Variants in ASAH2 observed in about 807,000 individuals in gnomAD.
ASAH2 encodes the protein neutral ceramidase.
ASAH2 carries 58 observed loss-of-function variants against 82.9 expected under a neutral mutation model. The observed-to-expected ratio is 0.70, with a 90% CI of 0.57 to 0.87. ASAH2 has a LOEUF of 0.87. Among genes scored for constraint, ASAH2 ranks in the 40% least tolerant of loss-of-function variants. The probability of loss-of-function intolerance (pLI) is 0.00; values close to 1 mark genes in which losing one functional copy is unlikely to be tolerated. For missense variants in ASAH2, 779 were observed against 834.0 expected, an observed-to-expected ratio of 0.93 and a Z score of 0.81; for synonymous variants, 276 against 289.7, an observed-to-expected ratio of 0.95 and a Z score of 0.48.
intron 2 of ASAH2, among the ~76,000 whole-genome samples, chr10:50,245,794 TG>T (rs913366900): frequency 1.3e-5 from 2 of 152,130 alleles, no homozygotes; most frequent in African/African-American, 4.8e-5. Flanking sequence ...ATCCAATATC[TG>T]GGGATTGGTT....
At chr10:50,247,911 G>A (rs920293405) in intron 2 of ASAH2, among the ~76,000 whole-genome samples, 3 of 152,190 alleles carry the variant, frequency 2.0e-5, no homozygotes, top group Admixed American at 6.5e-5. Context: ...CTGAGATCAT[G>A]TGTTCTCTCT....
intron 1 of ASAH2, among the ~76,000 whole-genome samples, 191 bp from the exon 2 acceptor site, chr10:50,248,837 T>C (rs896857491): frequency 9.2e-5 from 14 of 152,228 alleles, no homozygotes; most frequent in African/African-American, 3.4e-4. Flanking sequence ...AAAGCTCGAA[T>C]GTGGTTTCCA....
rs367923748 is a variant in ASAH2 at position 50,248,637 on chromosome 10, A to G, written c.-27T>C. The G allele has an allele frequency of 5.0e-6, 8 of 1,605,230 alleles. No homozygotes were observed. The highest frequency in any genetic ancestry group is 6.8e-6 in the Non-Finnish European group (8 of 1,175,988). On this transcript the variant is annotated 5_prime_UTR_variant, in exon 2 of 21. Coordinates refer to ENST00000682911, the MANE Select transcript of ASAH2 (RefSeq NM_019893.4). Reference sequence around the variant, plus strand: ...TCTTCTCAGGTACAGCAGAGATGGAAGAAGAAATACTGAAGAGGAAGAAAT... The same window carrying G: ...TCTTCTCAGGTACAGCAGAGATGGAGGAAGAAATACTGAAGAGGAAGAAAT...
rs549845232 is a variant in ASAH2, at chr10:50,216,884, C to G, written c.1014+1626G>C. On this transcript the variant is annotated intron_variant, in intron 8 of 20. Transcript: ENST00000682911. ...ATAAATAGAAAACTCTCTTCTTTTCCCTAAAATGCAGGCTAAAGTGAGAAA... is the reference window on the plus strand; with the variant it reads ...ATAAATAGAAAACTCTCTTCTTTTCGCTAAAATGCAGGCTAAAGTGAGAAA... Among the ~76,000 whole-genome samples, 1,385 of 152,284 alleles carry G rather than the reference C, an allele frequency of 9.1e-3. 22 individuals are homozygous for G. The highest frequency in any genetic ancestry group is 0.03 in the African/African-American group (1,246 of 41,572).
intron 9 of ASAH2, among the ~76,000 whole-genome samples, chr10:50,214,447 C>T (rs916465876): frequency 2.0e-5 from 3 of 152,104 alleles, no homozygotes; most frequent in Non-Finnish European, 4.4e-5. Context: ...TTTCGAAATG[C>T]CAAAGCAAAA....
At chr10:50,203,064 T>C in intron 15 of ASAH2, 140 bp from the exon 16 acceptor site, 1 of 671,648 alleles carries the variant, frequency 1.5e-6, no homozygotes, top group Non-Finnish European at 2.7e-6. Context: ...AACTCTGCAC[T>C]ACAGTTGGAC....
At chr10:50,195,818 C>A (rs1197683912) in intron 18 of ASAH2, among the ~76,000 whole-genome samples, 2 of 151,692 alleles carry the variant, frequency 1.3e-5, no homozygotes, top group African/African-American at 4.8e-5. Context: ...CACATGATCT[C>A]ACTTATATAT....
intron 10 of ASAH2, among the ~76,000 whole-genome samples, chr10:50,211,472 T>C (rs1454526042): frequency 2.0e-5 from 3 of 152,114 alleles, no homozygotes; most frequent in African/African-American, 4.8e-5. Context: ...CAAAATACTT[T>C]CTTTGCTAGA....
At chr10:50,235,797 C>A in intron 5 of ASAH2, 91 bp downstream of exon 5, 14 of 1,433,418 alleles carry the variant, frequency 9.8e-6, no homozygotes, top group African/African-American at 1.4e-5. Context: ...AGACCCAAAT[C>A]CTATAGGGAT....
intron 4 of ASAH2, among the ~76,000 whole-genome samples, chr10:50,242,757 CA>C (rs1302704642): frequency 1.3e-5 from 2 of 152,122 alleles, no homozygotes; most frequent in African/African-American, 4.8e-5. Context: ...CTATAACTAC[CA>C]ATTCACGGTC....
chr10:50,206,172 G>T, intron 12 of ASAH2, 75 bp from the exon 13 acceptor site: 1 of 1,036,736 alleles, frequency 9.6e-7, no homozygotes, highest in Non-Finnish European at 1.5e-6. Context: ...GACAAATATT[G>T]TACAATAATC....
intron 12 of ASAH2, among the ~76,000 whole-genome samples, chr10:50,207,602 C>T (rs1230320077): frequency 6.7e-6 from 1 of 148,254 alleles, no homozygotes; most frequent in East Asian, 2.0e-4. Flanking sequence ...AGACAAACTA[C>T]CAAAATTGAC....
At chr10:50,249,151 T>C (rs1259247869) in intron 1 of ASAH2, among the ~76,000 whole-genome samples, 1 of 152,150 alleles carries the variant, frequency 6.6e-6, no homozygotes, top group East Asian at 1.9e-4. Context: ...AACCCGTAAC[T>C]TTGGCCTTTA....
intron 7 of ASAH2, among the ~76,000 whole-genome samples, chr10:50,224,597 G>T (rs906997443): frequency 0.031 from 4,687 of 151,986 alleles, 259 homozygotes; most frequent in African/African-American, 0.11. Flanking sequence ...AAGGTGGGGC[G>T]TGTGAATACC....
At chr10:50,246,125 TAC>T (rs1455119889) in intron 2 of ASAH2, among the ~76,000 whole-genome samples, 31 of 152,326 alleles carry the variant, frequency 2.0e-4, no homozygotes. Flanking sequence ...ATATTTATTA[TAC>T]ACACACATAC....
intron 18 of ASAH2, among the ~76,000 whole-genome samples, chr10:50,193,553 T>C (rs1458856000): frequency 1.3e-5 from 2 of 151,030 alleles, no homozygotes; most frequent in Non-Finnish European, 3.0e-5. Flanking sequence ...TCATAGAGAG[T>C]TGTGACAAGA....
intron 9 of ASAH2, among the ~76,000 whole-genome samples, chr10:50,214,330 A>G (rs1232886688): frequency 2.0e-5 from 3 of 152,086 alleles, no homozygotes; most frequent in Non-Finnish European, 4.4e-5. Flanking sequence ...TTTGCTTGTA[A>G]TTTTTAAGAA....
At chr10:50,218,000 C>T (rs1358548799) in intron 8 of ASAH2, among the ~76,000 whole-genome samples, 1 of 152,102 alleles carries the variant, frequency 6.6e-6, no homozygotes, top group East Asian at 1.9e-4. Flanking sequence ...GGGTGTGCAC[C>T]TGTAATTTCA....
At chr10:50,244,829 T>C (rs1846402215) in intron 3 of ASAH2, among the ~76,000 whole-genome samples, 2 of 145,352 alleles carry the variant, frequency 1.4e-5, no homozygotes, top group Non-Finnish European at 3.0e-5. Flanking sequence ...ATTCATGTAC[T>C]TTATTTGTGC....
Sources: allele counts gnomAD v4.1 joint callset (sites outside exome capture counted in the v4.1 genomes callset), GRCh38; gene constraint gnomAD v4.1.1; transcripts MANE v1.5; gene names NCBI Gene and HGNC (gene_info 2026-07-23, HGNC 2026-07-21).